Variants in MCC observed in about 807,000 individuals in gnomAD.
MCC encodes MCC regulator of Wnt signaling pathway.
A neutral mutation model predicts 116.2 loss-of-function variants in MCC; 90 were observed. The ratio of observed to expected loss-of-function variants is 0.77; its 90% CI spans 0.65 to 0.92. MCC has a LOEUF of 0.92. MCC is among the 40% of genes least tolerant of loss of function. MCC has a pLI of 0.00. For missense variants in MCC, 1,516 were observed against 1,312.2 expected, an observed-to-expected ratio of 1.16 and a Z score of -2.40; for synonymous variants, 578 against 510.5, an observed-to-expected ratio of 1.13 and a Z score of -1.78.
rs529063156 is a variant in MCC, at chr5:113,185,819, G to A, written c.628-34397C>T. ...ACTAAATTCATTGAGAATGAAGCGT[G>A]CTGTAGCATGACACTCTGCAATCTT... On this transcript the variant is annotated intron_variant, in intron 3 of 18. Transcript: ENST00000408903. Among the ~76,000 whole-genome samples, 7 of 152,278 alleles carry A rather than the reference G, an allele frequency of 4.6e-5. No individual in the cohort carries two copies. The East Asian group carries it at 1.4e-3, about 29-fold the overall frequency.
At chr5:113,467,002 A>G (rs1181046126) in intron 1 of MCC, among the ~76,000 whole-genome samples, 1 of 152,088 alleles carries the variant, frequency 6.6e-6, no homozygotes, top group East Asian at 1.9e-4. Context: ...GTGTCTGTTC[A>G]TATCCTTTGC....
intron 3 of MCC, among the ~76,000 whole-genome samples, chr5:113,164,082 C>A (rs970273379): frequency 7.9e-5 from 12 of 152,154 alleles, no homozygotes; most frequent in African/African-American, 2.7e-4. Flanking sequence ...TTGCTCTCAA[C>A]AAGCTCCCAG....
chr5:113,229,985 C>T (rs1036592452), intron 3 of MCC, among the ~76,000 whole-genome samples: 4 of 152,152 alleles, frequency 2.6e-5, no homozygotes, highest in Non-Finnish European at 4.4e-5. Context: ...CCATATATGC[C>T]GCATTTCTGC....
At chr5:113,253,648 G>A (rs1764886605) in intron 3 of MCC, among the ~76,000 whole-genome samples, 1 of 152,138 alleles carries the variant, frequency 6.6e-6, no homozygotes, top group African/African-American at 2.4e-5. Flanking sequence ...GGATAGGTAA[G>A]CAAGGATGAC....
intron 1 of MCC, among the ~76,000 whole-genome samples, chr5:113,462,724 C>CA (rs528221647): frequency 2.0e-5 from 3 of 152,176 alleles, no homozygotes; most frequent in Non-Finnish European, 2.9e-5. Flanking sequence ...GCCAATTATG[C>CA]AAAAAAGGCA....
intron 5 of MCC, among the ~76,000 whole-genome samples, chr5:113,132,423 C>CACATATATATATATAT (rs1561384956): frequency 7.7e-6 from 1 of 130,190 alleles, no homozygotes; most frequent in African/African-American, 3.2e-5. Context: ...TATATACACA[C>CACATATATATATATAT]ATACATATAT....
intron 3 of MCC, among the ~76,000 whole-genome samples, chr5:113,189,567 TCA>T (rs766818106): frequency 6.6e-6 from 1 of 152,170 alleles, no homozygotes; most frequent in Non-Finnish European, 1.5e-5. Flanking sequence ...ACTCTAAGCC[TCA>T]CAGTCTATCA....
intron 3 of MCC, among the ~76,000 whole-genome samples, chr5:113,240,769 T>G (rs1294211632): frequency 6.6e-6 from 1 of 152,218 alleles, no homozygotes; most frequent in African/African-American, 2.4e-5. Context: ...GAGGAGCAGA[T>G]GGAGGTCTGC....
intron 12 of MCC, among the ~76,000 whole-genome samples, chr5:113,068,977 C>T (rs1753826818): frequency 6.6e-6 from 1 of 152,236 alleles, no homozygotes; most frequent in South Asian, 2.1e-4. Context: ...GATATAACAT[C>T]CCACAAGGAG....
chr5:113,218,884 T>C (rs934865656), intron 3 of MCC, among the ~76,000 whole-genome samples: 1 of 152,094 alleles, frequency 6.6e-6, no homozygotes, highest in African/African-American at 2.4e-5. Context: ...GGACGCATTA[T>C]AAGAATAGCT....
intron 5 of MCC, 109 bp from the exon 6 acceptor site, chr5:113,122,935 C>T: frequency 8.7e-7 from 1 of 1,143,512 alleles, no homozygotes; most frequent in Non-Finnish European, 1.3e-6. Flanking sequence ...AAACAGATTT[C>T]TCCCCCAGGC....
chr5:113,147,686 C>A (rs919539306), intron 4 of MCC, among the ~76,000 whole-genome samples: 4 of 152,084 alleles, frequency 2.6e-5, no homozygotes, highest in African/African-American at 9.7e-5. Context: ...CAGGTTCGCT[C>A]GCTAAGGGGA....
At chr5:113,191,569 TGATAATCATGGGGCTCTCTGACCTCAC>T (rs966611106) in intron 3 of MCC, among the ~76,000 whole-genome samples, 10 of 152,246 alleles carry the variant, frequency 6.6e-5, no homozygotes, top group African/African-American at 2.2e-4. Flanking sequence ...GAACTGAAGA[TGATAATCATGGGGCTCTCTGACCTCAC>T]AGTGATGCAG....
intron 3 of MCC, among the ~76,000 whole-genome samples, chr5:113,326,202 G>T (rs563639856): frequency 7.5e-4 from 114 of 152,204 alleles, no homozygotes; most frequent in African/African-American, 2.6e-3. Context: ...CAGAACCAAG[G>T]CTACCTGGTT....
chr5:113,102,605 T>C (rs1308498453), intron 7 of MCC, among the ~76,000 whole-genome samples: 1 of 152,102 alleles, frequency 6.6e-6, no homozygotes, highest in Admixed American at 6.5e-5. Flanking sequence ...TAAAGGAAAA[T>C]CTTAGTAGCA....
At chr5:113,049,714 G>A (rs1561753896) in intron 15 of MCC, among the ~76,000 whole-genome samples, 1 of 152,190 alleles carries the variant, frequency 6.6e-6, no homozygotes, top group Admixed American at 6.5e-5. Context: ...GGCCTCTTCT[G>A]GCCAAGCCCC....
chr5:113,182,940 G>C (rs940550819), intron 3 of MCC, among the ~76,000 whole-genome samples: 4 of 152,236 alleles, frequency 2.6e-5, no homozygotes, highest in African/African-American at 7.2e-5. Context: ...GGAGAGTTCA[G>C]TGCAGTTCCC....
At chr5:113,216,420 C>T (rs1325264812) in intron 3 of MCC, among the ~76,000 whole-genome samples, 2 of 152,260 alleles carry the variant, frequency 1.3e-5, no homozygotes, top group Admixed American at 6.5e-5. Flanking sequence ...AAGATGGTTC[C>T]CATGGCCCCT....
intron 3 of MCC, among the ~76,000 whole-genome samples, chr5:113,246,928 A>G (rs1192024176): frequency 1.3e-5 from 2 of 152,210 alleles, no homozygotes; most frequent in Non-Finnish European, 2.9e-5. Flanking sequence ...ATATTTAAGC[A>G]GGAGGCAAAA....
Sources: gnomAD v4.1 joint callset for allele counts (sites outside exome capture counted in the v4.1 genomes callset) on GRCh38, gnomAD v4.1.1 for gene constraint, MANE v1.5 for transcripts, NCBI Gene and HGNC (gene_info 2026-07-23, HGNC 2026-07-21) for gene names.